Variants in MAPK10 observed in about 807,000 individuals in gnomAD.
MAPK10 encodes mitogen-activated protein kinase 10, also known as JNK3 alpha protein kinase.
A neutral mutation model predicts 59.3 loss-of-function variants in MAPK10; 25 were observed. The ratio of observed to expected loss-of-function variants is 0.42; its 90% CI spans 0.31 to 0.59. The LOEUF (loss-of-function observed/expected upper bound fraction) is 0.59, where lower values mean the gene tolerates loss of function less well. MAPK10 is among the 20% of genes least tolerant of loss of function. MAPK10 has a pLI of 0.15. For missense variants in MAPK10, 351 were observed against 568.9 expected, an observed-to-expected ratio of 0.62 and a Z score of 3.90; for synonymous variants, 190 against 200.5, an observed-to-expected ratio of 0.95 and a Z score of 0.44.
intron 5 of MAPK10, among the ~76,000 whole-genome samples, chr4:86,103,471 G>C (rs746895114): frequency 1.3e-5 from 2 of 151,928 alleles, no homozygotes; most frequent in Non-Finnish European, 2.9e-5. Flanking sequence ...TCAATTCTTG[G>C]GCAGAAGCAA....
At chr4:86,060,767 C>A (rs2045596644) in intron 11 of MAPK10, among the ~76,000 whole-genome samples, 1 of 151,678 alleles carries the variant, frequency 6.6e-6, no homozygotes, top group Admixed American at 6.6e-5. Context: ...TTCTACCTGG[C>A]AAAGAAGAGG....
rs1485315893 is a variant in MAPK10, at chr4:86,520,182, T to A, written c.-263+73728A>T. ...TAGATCTCTAGCAAAACCAGGGAAG[T>A]TTTCCTCGATTATTCCCTCAAATAA... is the stretch of plus-strand genomic sequence containing the variant. On this transcript the variant is annotated intron_variant, in intron 1 of 4. Transcript: ENST00000502302. Among the ~76,000 whole-genome samples the A allele has an allele frequency of 2.6e-5, 4 of 152,304 alleles. No individual in the cohort carries two copies. The South Asian group carries it at 6.2e-4, about 24-fold the overall frequency.
chr4:86,289,931 G>A (rs952731852), intron 2 of MAPK10, among the ~76,000 whole-genome samples: 6 of 152,086 alleles, frequency 3.9e-5, no homozygotes. Context: ...TTCCTGAGGT[G>A]GAGAAAAATA....
At chr4:86,076,385 G>C (rs2049469258) in intron 9 of MAPK10, among the ~76,000 whole-genome samples, 1 of 152,178 alleles carries the variant, frequency 6.6e-6, no homozygotes, top group South Asian at 2.1e-4. Flanking sequence ...CTGTAGACCG[G>C]AGCTGTTCCT....
chr4:86,128,027 T>A (rs960628390), intron 4 of MAPK10, among the ~76,000 whole-genome samples: 1 of 152,094 alleles, frequency 6.6e-6, no homozygotes, highest in Non-Finnish European at 1.5e-5. Flanking sequence ...TTCAGTAAGT[T>A]TTATTATATA....
At chr4:86,042,857 T>C (rs2041842906) in intron 11 of MAPK10, among the ~76,000 whole-genome samples, 1 of 152,168 alleles carries the variant, frequency 6.6e-6, no homozygotes, top group South Asian at 2.1e-4. Flanking sequence ...TACCTATTAA[T>C]AATTACCTTG....
intron 11 of MAPK10, among the ~76,000 whole-genome samples, chr4:86,032,887 G>A (rs2039375222): frequency 1.3e-5 from 2 of 152,120 alleles, no homozygotes; most frequent in African/African-American, 2.4e-5. Flanking sequence ...CTGATACTGG[G>A]GCAGAAGGCT....
intron 1 of MAPK10, among the ~76,000 whole-genome samples, chr4:86,382,906 C>A (rs1740959041): frequency 6.6e-6 from 1 of 152,176 alleles, no homozygotes; most frequent in South Asian, 2.1e-4. Context: ...TTCTTCTACT[C>A]TTGACTTGCT....
At chr4:86,476,801 A>C (rs1460684715) in intron 1 of MAPK10, among the ~76,000 whole-genome samples, 2 of 152,158 alleles carry the variant, frequency 1.3e-5, no homozygotes, top group South Asian at 2.1e-4. Context: ...CAAGAACTCC[A>C]AACGCCTGAA....
chr4:86,584,295 A>G (rs961791390), intron 1 of MAPK10, among the ~76,000 whole-genome samples: 1 of 152,194 alleles, frequency 6.6e-6, no homozygotes, highest in East Asian at 1.9e-4. Flanking sequence ...GGGTATAAGC[A>G]GCAGCAGACG....
chr4:86,530,312 T>C (rs1412783061), intron 1 of MAPK10, among the ~76,000 whole-genome samples: 2 of 152,202 alleles, frequency 1.3e-5, no homozygotes, highest in African/African-American at 4.8e-5. Context: ...ATTTTTGTAG[T>C]TCCAACACTT....
chr4:86,028,372 T>G (rs1370505643), intron 13 of MAPK10: 1 of 151,898 alleles, frequency 6.6e-6, no homozygotes, highest in African/African-American at 2.4e-5. Context: ...ATCATAGTGG[T>G]TTGGGGTGTA....
intron 2 of MAPK10, among the ~76,000 whole-genome samples, chr4:86,227,082 C>T (rs1178789587): frequency 6.6e-6 from 1 of 152,084 alleles, no homozygotes; most frequent in Non-Finnish European, 1.5e-5. Flanking sequence ...TAACACAGAG[C>T]CCTTGATGAA....
chr4:86,275,429 T>C (rs1035230813), intron 2 of MAPK10, among the ~76,000 whole-genome samples: 1 of 152,050 alleles, frequency 6.6e-6, no homozygotes, highest in Non-Finnish European at 1.5e-5. Context: ...AAATACTTAA[T>C]TCTACATGGC....
chr4:86,222,499 C>A (rs1223840770), intron 2 of MAPK10, among the ~76,000 whole-genome samples: 1 of 152,182 alleles, frequency 6.6e-6, no homozygotes, highest in Non-Finnish European at 1.5e-5. Context: ...TGGGGCATCG[C>A]CTTAGGGTCA....
intron 11 of MAPK10, among the ~76,000 whole-genome samples, chr4:86,039,932 C>T (rs943202416): frequency 1.3e-5 from 2 of 152,154 alleles, no homozygotes; most frequent in Admixed American, 6.5e-5. Context: ...CCCAGCCAAC[C>T]TACCTGAGGA....
chr4:86,184,949 C>A (rs1390418256), intron 3 of MAPK10, among the ~76,000 whole-genome samples: 1 of 152,138 alleles, frequency 6.6e-6, no homozygotes, highest in Non-Finnish European at 1.5e-5. Context: ...CAGCAGTGAA[C>A]AGGAGACGAT....
intron 1 of MAPK10, among the ~76,000 whole-genome samples, chr4:86,377,833 C>T (rs563096924): frequency 4.6e-5 from 7 of 152,056 alleles, no homozygotes; most frequent in African/African-American, 7.2e-5. Context: ...ACTTGGAGTC[C>T]GATGTTCGAG....
chr4:86,437,167 TCACGC>T (rs1047162652), intron 1 of MAPK10, among the ~76,000 whole-genome samples: 15 of 140,692 alleles, frequency 1.1e-4, no homozygotes, highest in Middle Eastern at 4.1e-3. Context: ...TGAGCCAAGA[TCACGC>T]CACTGCACTC....
Sources: allele counts gnomAD v4.1 joint callset (sites outside exome capture counted in the v4.1 genomes callset), GRCh38; gene constraint gnomAD v4.1.1; transcripts MANE v1.5; gene names NCBI Gene and HGNC (gene_info 2026-07-23, HGNC 2026-07-21).